The following CCDC30 variants were observed in gnomAD, a reference collection of about 807,000 sequenced individuals.
CCDC30 encodes the protein coiled-coil domain-containing protein 30.
A neutral mutation model predicts 100.2 loss-of-function variants in CCDC30; 70 were observed. The observed-to-expected ratio is 0.70, with a 90% confidence interval of 0.58 to 0.85. CCDC30 has a LOEUF of 0.85. Among genes scored for constraint, CCDC30 ranks in the 40% least tolerant of loss-of-function variants. CCDC30 has a pLI of 0.00. For synonymous variants in CCDC30, 233 were observed against 269.5 expected (o/e 0.86, Z 1.33); for missense variants, 652 against 771.2 (o/e 0.85, Z 1.83).
At chr1:42,652,574 GTAGA>G (rs1648444129) in intron 15 of CCDC30, among the ~76,000 whole-genome samples, 1 of 152,094 alleles carries the variant, frequency 6.6e-6, no homozygotes, top group Non-Finnish European at 1.5e-5. Flanking sequence ...CCAGAAACTT[GTAGA>G]TAAATATTCA....
At chr1:42,534,406 GA>G (rs972683617) in intron 6 of CCDC30, among the ~76,000 whole-genome samples, 1 of 152,044 alleles carries the variant, frequency 6.6e-6, no homozygotes, top group South Asian at 2.1e-4. Context: ...GGTACTCTGG[GA>G]AAAAAACATT....
At chr1:42,543,889 T>G (rs1557840056) in intron 6 of CCDC30, among the ~76,000 whole-genome samples, 2 of 152,240 alleles carry the variant, frequency 1.3e-5, no homozygotes. Flanking sequence ...TAAAGTAAAC[T>G]TAAATTGATC....
At chr1:42,499,929 C>T (rs1644283257) in intron 6 of CCDC30, among the ~76,000 whole-genome samples, 2 of 152,156 alleles carry the variant, frequency 1.3e-5, no homozygotes, top group Admixed American at 1.3e-4. Context: ...TGGTTTTACT[C>T]TAGATTTCAC....
chr1:42,464,734 ATTTC>A (rs776790733), intron 1 of CCDC30, among the ~76,000 whole-genome samples: 3 of 152,170 alleles, frequency 2.0e-5, no homozygotes, highest in Admixed American at 1.3e-4. Context: ...GAATCTTACT[ATTTC>A]TTCTTCAGTA....
chr1:42,622,858 AGGG>A (rs1646867004), intron 11 of CCDC30, among the ~76,000 whole-genome samples: 1 of 152,080 alleles, frequency 6.6e-6, no homozygotes, highest in African/African-American at 2.4e-5. Flanking sequence ...ATAGTGTATG[AGGG>A]TTCCCTTTTC....
chr1:42,457,069 G>T, the CCDC30 span: 8 of 1,594,330 alleles, frequency 5.0e-6, no homozygotes, highest in South Asian at 1.1e-5. Flanking sequence ...CACTCAATCC[G>T]CTAGGTGCGT....
At chr1:42,622,478 G>T (rs1275886479) in intron 11 of CCDC30, among the ~76,000 whole-genome samples, 1 of 152,118 alleles carries the variant, frequency 6.6e-6, no homozygotes, top group Non-Finnish European at 1.5e-5. Flanking sequence ...TCAAATATAT[G>T]ATAGCTCAAT....
intron 6 of CCDC30, among the ~76,000 whole-genome samples, chr1:42,541,394 GT>G (rs757909538): frequency 6.6e-5 from 10 of 152,318 alleles, no homozygotes; most frequent in Middle Eastern, 3.4e-3. Context: ...TGAACTTTGA[GT>G]CAACACAAAC....
intron 1 of CCDC30, among the ~76,000 whole-genome samples, chr1:42,478,791 C>T (rs1230629696): frequency 6.6e-6 from 1 of 151,922 alleles, no homozygotes; most frequent in Non-Finnish European, 1.5e-5. Context: ...AAAAACCAAA[C>T]TGCGCCCCCC....
chr1:42,580,190 A>G (rs1645933937), intron 8 of CCDC30, among the ~76,000 whole-genome samples: 1 of 152,190 alleles, frequency 6.6e-6, no homozygotes, highest in Non-Finnish European at 1.5e-5. Context: ...TTCCTTAAGT[A>G]AGAATTCTCC....
At chr1:42,523,045 G>T (rs979122248) in intron 6 of CCDC30, among the ~76,000 whole-genome samples, 1 of 151,784 alleles carries the variant, frequency 6.6e-6, no homozygotes, top group Admixed American at 6.6e-5. Context: ...GGCTAGGCTG[G>T]TCACAAACTC....
intron 6 of CCDC30, among the ~76,000 whole-genome samples, chr1:42,522,143 T>C (rs1421886102): frequency 1.3e-5 from 2 of 152,204 alleles, no homozygotes; most frequent in East Asian, 1.9e-4. Flanking sequence ...GTTGTATAAA[T>C]AGTTGTTATG....
At chr1:42,511,180 T>C (rs4353137) in intron 6 of CCDC30, among the ~76,000 whole-genome samples, 58,603 of 151,814 alleles carry the variant, frequency 0.39, 11,789 homozygotes, top group East Asian at 0.59. Flanking sequence ...AATGTGCCAC[T>C]CATGGTTGCG....
intron 9 of CCDC30, among the ~76,000 whole-genome samples, chr1:42,588,923 G>A (rs1646128983): frequency 6.6e-6 from 1 of 151,528 alleles, no homozygotes; most frequent in East Asian, 1.9e-4. Flanking sequence ...GTTAATGTGT[G>A]CTTATTATTA....
chr1:42,634,569 G>A (rs1351345242), intron 11 of CCDC30, among the ~76,000 whole-genome samples: 2 of 152,154 alleles, frequency 1.3e-5, no homozygotes, highest in African/African-American at 4.8e-5. Flanking sequence ...TCGCACTCAT[G>A]CTCCATGAGG....
chr1:42,569,803 A>C (rs1227541616), intron 7 of CCDC30, among the ~76,000 whole-genome samples: 2 of 152,274 alleles, frequency 1.3e-5, no homozygotes, highest in Non-Finnish European at 2.9e-5. Context: ...GCCATAAAAA[A>C]GAATGAGTTC....
At chr1:42,572,629 A>ATTTATTTTTTTTTTTT (rs1553197390) in intron 7 of CCDC30, among the ~76,000 whole-genome samples, 1 of 151,996 alleles carries the variant, frequency 6.6e-6, no homozygotes, top group East Asian at 1.9e-4. Flanking sequence ...TTGCTTATTT[A>ATTTATTTTTTTTTTTT]TTTTTGAGAT....
At chr1:42,612,412 A>G (rs967025388) in intron 11 of CCDC30, among the ~76,000 whole-genome samples, 1 of 152,206 alleles carries the variant, frequency 6.6e-6, no homozygotes, top group African/African-American at 2.4e-5. Context: ...AGCAGCTGCA[A>G]TGTTGTTCAC....
intron 12 of CCDC30, among the ~76,000 whole-genome samples, chr1:42,641,755 T>G (rs1647416084): frequency 6.6e-6 from 1 of 151,900 alleles, no homozygotes; most frequent in South Asian, 2.1e-4. Context: ...TAATCCCAGC[T>G]ACTCGGGAGG....
Sources: gnomAD v4.1 joint callset for allele counts (sites outside exome capture counted in the v4.1 genomes callset) on GRCh38, gnomAD v4.1.1 for gene constraint, MANE v1.5 for transcripts, NCBI Gene and HGNC (gene_info 2026-07-23, HGNC 2026-07-21) for gene names.